The following IFT88 variants were observed in gnomAD, a reference collection of about 807,000 sequenced individuals.
IFT88 encodes the protein intraflagellar transport 88.
IFT88 carries 74 observed loss-of-function variants against 119.5 expected under a neutral mutation model. The ratio of observed to expected loss-of-function variants is 0.62; its 90% CI spans 0.51 to 0.75. The LOEUF (loss-of-function observed/expected upper bound fraction) is 0.75. Among genes scored for constraint, IFT88 ranks in the 30% least tolerant of loss-of-function variants. The probability of loss-of-function intolerance (pLI) is 0.00; values close to 1 mark genes in which losing one functional copy is unlikely to be tolerated. For synonymous variants in IFT88, 279 were observed against 316.7 expected (o/e 0.88, Z 1.26); for missense variants, 961 against 977.7 (o/e 0.98, Z 0.23).
chr13:20,644,066 T>C (rs1335305723), intron 19 of IFT88, among the ~76,000 whole-genome samples: 1 of 152,120 alleles, frequency 6.6e-6, no homozygotes, highest in Non-Finnish European at 1.5e-5. Context: ...TTACTTGTTT[T>C]AATGAAAAAA....
chr13:20,655,453 A>G (rs1469636222), intron 21 of IFT88, among the ~76,000 whole-genome samples: 1 of 142,160 alleles, frequency 7.0e-6, no homozygotes, highest in Admixed American at 6.9e-5. Context: ...AAAAAAAAAA[A>G]ACAAAAAAAA....
Position 20,601,929 on chromosome 13 carries a change from C to G in IFT88, c.1037C>G (p.Pro346Arg). 1 of 1,521,954 alleles carries G rather than the reference C, an allele frequency of 6.6e-7. No individual in the cohort carries two copies. Among genetic ancestry groups the G allele is most frequent in the Middle Eastern group, 1.7e-4 (1 of 5,898 alleles). 94.3% of individuals were successfully genotyped at this position (1,521,954 alleles called of 1,614,324 possible). A position where few individuals can be genotyped will look rare whatever the true frequency, so the allele number is the denominator to read the frequency against. Residue 346 changes from proline to arginine, a missense_variant, in exon 12 of 26, where the codon CCA becomes CGA. Physicochemically the swap from Pro to Arg is moderately radical, Grantham distance 103. Transcript: ENST00000351808. ...LEIDEDKYIS[P>R]SDDPHTNLVT... is the part of the protein sequence containing the mutation. ...ATTGATGAAGATAAATATATTTCAC[C>G]AAGTGTGAGTATGAAAAAGACATTT... is the stretch of plus-strand genomic sequence containing the variant.
intron 14 of IFT88, among the ~76,000 whole-genome samples, chr13:20,618,982 A>G (rs1004075371): frequency 6.6e-6 from 1 of 151,602 alleles, no homozygotes; most frequent in South Asian, 2.1e-4. Flanking sequence ...TCAGCCTCCT[A>G]AGTAGCTGGG....
intron 4 of IFT88, among the ~76,000 whole-genome samples, 177 bp from the exon 5 acceptor site, chr13:20,590,790 G>T (rs2040537566): frequency 6.6e-6 from 1 of 152,140 alleles, no homozygotes; most frequent in South Asian, 2.1e-4. Flanking sequence ...ATGGGTTGTA[G>T]TTTGCTGCTC....
chr13:20,606,329 G>A lies in IFT88; in HGVS notation c.1112+1224G>A, dbSNP rs61955556. Among the ~76,000 whole-genome samples the A allele has an allele frequency of 1.9e-3, 290 of 152,176 alleles. 1 individual carries two copies. Among genetic ancestry groups the A allele is most frequent in the Non-Finnish European group, 3.0e-3 (203 of 68,000 alleles). ...TTAACTGTCACCCAGTTGTAACAAAGCCCTCCTATCATGATGTTAGTAGGA... is the reference window on the plus strand; with the variant it reads ...TTAACTGTCACCCAGTTGTAACAAAACCCTCCTATCATGATGTTAGTAGGA... On this transcript the variant is annotated intron_variant, in intron 13 of 25. Coordinates refer to ENST00000351808, the MANE Select transcript of IFT88 (RefSeq NM_006531.5).
chr13:20,683,096 G>A (rs2057503538), intron 24 of IFT88, among the ~76,000 whole-genome samples: 1 of 152,108 alleles, frequency 6.6e-6, no homozygotes, highest in African/African-American at 2.4e-5. Context: ...AACAAAGACT[G>A]GAGAATTCCA....
chr13:20,640,472 C>A (rs965605776), intron 17 of IFT88, among the ~76,000 whole-genome samples: 1 of 151,944 alleles, frequency 6.6e-6, no homozygotes, highest in Non-Finnish European at 1.5e-5. Flanking sequence ...ACTCAGGAGG[C>A]TGAGGCAGGA....
chr13:20,607,743 TA>T (rs1486665298), intron 13 of IFT88: 1 of 753,302 alleles, frequency 1.3e-6, no homozygotes, highest in Non-Finnish European at 2.5e-6. Context: ...GCGGCTTCTG[TA>T]ACTTTGCCTA....
At chr13:20,631,336 G>GC (rs2048173601) in intron 16 of IFT88, 2 of 462,366 alleles carry the variant, frequency 4.3e-6, no homozygotes, top group South Asian at 5.8e-5. Flanking sequence ...GTAGTGATAA[G>GC]CATCGCATCA....
intron 24 of IFT88, among the ~76,000 whole-genome samples, chr13:20,683,171 T>C (rs965381025): frequency 6.6e-5 from 10 of 152,174 alleles, no homozygotes; most frequent in African/African-American, 2.4e-4. Flanking sequence ...CTCTAAAGCC[T>C]CCAGTTTCTC....
intron 2 of IFT88, among the ~76,000 whole-genome samples, chr13:20,578,711 G>A (rs146888031): frequency 5.9e-5 from 9 of 152,110 alleles, no homozygotes; most frequent in East Asian, 1.9e-4. Context: ...CACCACGCCC[G>A]GCTAATGATG....
intron 22 of IFT88, among the ~76,000 whole-genome samples, chr13:20,657,318 C>T (rs572240254): frequency 1.3e-5 from 2 of 152,050 alleles, no homozygotes; most frequent in Non-Finnish European, 2.9e-5. Flanking sequence ...ATGGCAGTAA[C>T]AACAAAATCA....
chr13:20,672,192 C>A (rs1035037001), intron 24 of IFT88, among the ~76,000 whole-genome samples: 1 of 152,020 alleles, frequency 6.6e-6, no homozygotes, highest in African/African-American at 2.4e-5. Context: ...AGTCTTCGTC[C>A]CAATTGCAGT....
intron 9 of IFT88, 138 bp from the exon 10 acceptor site, chr13:20,598,513 T>A: frequency 2.0e-6 from 1 of 501,034 alleles, no homozygotes; most frequent in Non-Finnish European, 3.6e-6. Context: ...TTCTTTTGTT[T>A]ACTTAATTTC....
intron 15 of IFT88, among the ~76,000 whole-genome samples, chr13:20,626,460 A>C (rs543573739): frequency 1.2e-4 from 19 of 152,182 alleles, no homozygotes; most frequent in Non-Finnish European, 2.6e-4. Context: ...AGGTTTTCAA[A>C]GTGTTCCCCA....
chr13:20,691,228 C>T lies in IFT88; in HGVS notation c.*53C>T. ...AGAAATTGCCTTATGAGATCATCCT[C>T]ATGTTAAACCTTGGATTAAATATCT... On this transcript the variant is annotated 3_prime_UTR_variant, in exon 26 of 26. Coordinates refer to ENST00000351808, the MANE Select transcript of IFT88 (RefSeq NM_006531.5). The T allele has an allele frequency of 6.7e-7, 1 of 1,490,448 alleles. No individual in the cohort carries two copies. Among genetic ancestry groups the T allele is most frequent in the Non-Finnish European group, 9.1e-7 (1 of 1,093,698 alleles). 92.3% of individuals were successfully genotyped at this position (1,490,448 alleles called of 1,614,324 possible).
At chr13:20,590,446 T>A (rs1354536667) in intron 4 of IFT88, among the ~76,000 whole-genome samples, 1 of 152,164 alleles carries the variant, frequency 6.6e-6, no homozygotes, top group Non-Finnish European at 1.5e-5. Flanking sequence ...CAAAAAAATA[T>A]CTTCAGAACC....
intron 11 of IFT88, 71 bp downstream of exon 11, chr13:20,599,636 C>T: frequency 1.4e-6 from 1 of 699,776 alleles, no homozygotes; most frequent in Middle Eastern, 2.6e-4. Flanking sequence ...CTCTTCTGAC[C>T]TGTTTTCAGT....
intron 19 of IFT88, 142 bp downstream of exon 19, chr13:20,643,747 G>A: frequency 1.5e-6 from 1 of 671,844 alleles, no homozygotes; most frequent in Non-Finnish European, 2.5e-6. Flanking sequence ...GGAAAATGAA[G>A]TTAGTTTTTG....
Sources: gnomAD v4.1 joint callset for allele counts (sites outside exome capture counted in the v4.1 genomes callset) on GRCh38, gnomAD v4.1.1 for gene constraint, MANE v1.5 for transcripts, NCBI Gene and HGNC (gene_info 2026-07-23, HGNC 2026-07-21) for gene names.